The following CHRM5 variants were observed in gnomAD, a reference collection of about 807,000 sequenced individuals.
CHRM5 encodes the protein cholinergic receptor muscarinic 5, also known as muscarinic acetylcholine receptor M5.
A neutral mutation model predicts 39.0 loss-of-function variants in CHRM5; 18 were observed. That is an observed-to-expected ratio of 0.46 (90% CI 0.32 to 0.68). The LOEUF is 0.68. CHRM5 is among the 30% of genes least tolerant of loss of function. The probability of loss-of-function intolerance (pLI) is 0.04; values close to 1 mark genes in which losing one functional copy is unlikely to be tolerated. For missense variants in CHRM5, 515 were observed against 651.1 expected (o/e 0.79, Z 2.28); for synonymous variants, 241 against 246.3 (o/e 0.98, Z 0.20).
At chr15:33,996,396 C>T (rs1896935135) in intron 1 of CHRM5, among the ~76,000 whole-genome samples, 1 of 152,222 alleles carries the variant, frequency 6.6e-6, no homozygotes, top group Non-Finnish European at 1.5e-5. Context: ...TCCCTGAACC[C>T]CATGTAGCCT....
intron 1 of CHRM5, chr15:34,006,954 A>C (rs1300978349): frequency 7.1e-6 from 4 of 564,188 alleles, no homozygotes; most frequent in Non-Finnish European, 9.0e-6. Flanking sequence ...ACTGATCAGA[A>C]AACAAGGTGA....
At chr15:33,999,459 A>G (rs646950) in intron 1 of CHRM5, among the ~76,000 whole-genome samples, 76,776 of 152,072 alleles carry the variant, frequency 0.5, 21,824 homozygotes, top group Non-Finnish European at 0.63. Context: ...TCTGACTGCA[A>G]CAGGTATCAA....
chr15:33,977,492 G>A (rs1161358189), intron 1 of CHRM5, among the ~76,000 whole-genome samples: 1 of 152,154 alleles, frequency 6.6e-6, no homozygotes, highest in Non-Finnish European at 1.5e-5. Context: ...AGGAGGCTAT[G>A]ACAGCGTGCT....
intron 2 of CHRM5, among the ~76,000 whole-genome samples, chr15:34,047,362 C>T (rs1899744384): frequency 1.3e-5 from 2 of 152,172 alleles, no homozygotes; most frequent in Non-Finnish European, 2.9e-5. Context: ...CAGGCGTGAG[C>T]CACCGTGCCC....
intron 1 of CHRM5, among the ~76,000 whole-genome samples, chr15:33,987,531 G>C (rs1162080911): frequency 6.6e-6 from 1 of 152,076 alleles, no homozygotes; most frequent in East Asian, 1.9e-4. Flanking sequence ...CAGCCTCTGG[G>C]ACCATCTCTT....
At chr15:34,015,355 C>T (rs1238721457) in intron 1 of CHRM5, among the ~76,000 whole-genome samples, 2 of 151,966 alleles carry the variant, frequency 1.3e-5, no homozygotes, top group Non-Finnish European at 2.9e-5. Flanking sequence ...CGGTGGCGGG[C>T]ACCTGTAGTC....
chr15:34,025,307 A>G (rs1288080723), intron 1 of CHRM5, among the ~76,000 whole-genome samples: 1 of 152,274 alleles, frequency 6.6e-6, no homozygotes, highest in African/African-American at 2.4e-5. Context: ...TAGGTAGAAA[A>G]GGAATTTACT....
At chr15:34,056,481 C>T (rs914953895) in intron 2 of CHRM5, among the ~76,000 whole-genome samples, 12 of 152,234 alleles carry the variant, frequency 7.9e-5, no homozygotes, top group African/African-American at 2.9e-4. Context: ...AAGTAATGTT[C>T]TCTACTGCAG....
At chr15:33,973,654 C>A (rs1222777255) in intron 1 of CHRM5, among the ~76,000 whole-genome samples, 1 of 152,046 alleles carries the variant, frequency 6.6e-6, no homozygotes, top group Non-Finnish European at 1.5e-5. Flanking sequence ...CCCACCTAGG[C>A]AACACAGCAA....
At chr15:34,048,479 C>T (rs527310572) in intron 2 of CHRM5, among the ~76,000 whole-genome samples, 3 of 152,146 alleles carry the variant, frequency 2.0e-5, no homozygotes, top group African/African-American at 4.8e-5. Flanking sequence ...CATTCCTCCT[C>T]ACTGGGCAGG....
chr15:34,056,354 A>G (rs1350613423), intron 2 of CHRM5, among the ~76,000 whole-genome samples: 1 of 152,206 alleles, frequency 6.6e-6, no homozygotes, highest in East Asian at 1.9e-4. Flanking sequence ...CTCCTAGTTC[A>G]TTGTTTTTTA....
intron 1 of CHRM5, among the ~76,000 whole-genome samples, chr15:34,023,348 T>C (rs1266588596): frequency 6.6e-6 from 1 of 152,204 alleles, no homozygotes; most frequent in Admixed American, 6.5e-5. Flanking sequence ...AAATAGGCTG[T>C]GGTGGGCTAA....
Position 33,968,756 on chromosome 15 carries a change from G to T in CHRM5, c.-802G>T, listed in dbSNP as rs367752305. The T allele has an allele frequency of 6.6e-6, 1 of 152,142 alleles. No homozygotes were observed. Among genetic ancestry groups the T allele is most frequent in the Non-Finnish European group, 1.5e-5 (1 of 67,978 alleles). 9.4% of individuals were successfully genotyped at this position (152,142 alleles called of 1,614,324 possible). Reference sequence around the variant, plus strand: ...TTTTAAAGCAGCTTGATTTGGAAGCGTGTGTAATTCTGAAATACGAACAAG... The same window carrying T: ...TTTTAAAGCAGCTTGATTTGGAAGCTTGTGTAATTCTGAAATACGAACAAG... On this transcript the variant is annotated 5_prime_UTR_variant, in exon 1 of 3. Coordinates refer to ENST00000383263, the MANE Select transcript of CHRM5 (RefSeq NM_012125.4).
At chr15:34,036,563 T>A (rs1466576786) in intron 1 of CHRM5, among the ~76,000 whole-genome samples, 1 of 152,128 alleles carries the variant, frequency 6.6e-6, no homozygotes, top group African/African-American at 2.4e-5. Flanking sequence ...CCAAAAATGG[T>A]GTCCTAGCAA....
rs781435131 is a variant in CHRM5 at position 34,062,845 on chromosome 15, T to A, written c.128T>A (p.Ile43Asn). Residue 43 changes from isoleucine to asparagine, a missense_variant, in exon 3 of 3, where the codon ATC (isoleucine) becomes AAC (asparagine). Coordinates refer to ENST00000383263, the MANE Select transcript of CHRM5 (RefSeq NM_012125.4). ...GCTGTGACTGCTGTGGTAAGCCTGA[T>A]CACCATTGTGGGCAATGTCTTGGTC... ...IAAVTAVVSL[I>N]TIVGNVLVMI... The A allele has an allele frequency of 1.2e-6, 2 of 1,614,236 alleles. No individual in the cohort carries two copies. Among genetic ancestry groups the A allele is most frequent in the Non-Finnish European group, 1.7e-6 (2 of 1,180,046 alleles).
intron 2 of CHRM5, among the ~76,000 whole-genome samples, chr15:34,058,863 G>A (rs1476615033): frequency 6.6e-6 from 1 of 152,044 alleles, no homozygotes; most frequent in Non-Finnish European, 1.5e-5. Flanking sequence ...AGAAATGTAG[G>A]TATGTTAGTT....
At chr15:33,978,251 C>A (rs1895973930) in intron 1 of CHRM5, among the ~76,000 whole-genome samples, 1 of 152,182 alleles carries the variant, frequency 6.6e-6, no homozygotes, top group African/African-American at 2.4e-5. Context: ...TGAGCATCCT[C>A]TGAACATGTG....
At position 34,062,969 on chromosome 15, in the gene CHRM5, G is replaced by A. The variant is rs1337536950; in HGVS notation, c.252G>A (p.Met84Ile). ...ATCTCATCATTGGAATCTTCTCCAT[G>A]AACCTCTACACCACCTACATCCTCA... Reference protein sequence around the residue: ...CADLIIGIFSMNLYTTYILMG... With the variant: ...CADLIIGIFSINLYTTYILMG... Residue 84 changes from methionine to isoleucine, a missense_variant, in exon 3 of 3, where the codon ATG becomes ATA. Physicochemically the swap from Met to Ile is conservative, Grantham distance 10 (BLOSUM62 1). Transcript: ENST00000383263. 1 of 1,613,900 alleles carries A rather than the reference G, an allele frequency of 6.2e-7. No individual in the cohort carries two copies. Among genetic ancestry groups the A allele is most frequent in the Middle Eastern group, 1.6e-4 (1 of 6,062 alleles).
intron 1 of CHRM5, among the ~76,000 whole-genome samples, chr15:34,034,195 C>A (rs1038498112): frequency 6.6e-6 from 1 of 152,188 alleles, no homozygotes; most frequent in Non-Finnish European, 1.5e-5. Context: ...GTAACCCCAG[C>A]ACTTTGGGTG....
Sources: allele counts gnomAD v4.1 joint callset (sites outside exome capture counted in the v4.1 genomes callset), GRCh38; gene constraint gnomAD v4.1.1; transcripts MANE v1.5; gene names NCBI Gene and HGNC (gene_info 2026-07-23, HGNC 2026-07-21).